The following GRM7 variants were observed in gnomAD, a reference collection of about 807,000 sequenced individuals.
GRM7 encodes the protein metabotropic glutamate receptor 7.
In GRM7, 35 loss-of-function variants were observed where a neutral mutation model predicts 84.5. That is an observed-to-expected ratio of 0.41 (90% CI 0.32 to 0.55). GRM7 has a LOEUF of 0.55. Ranked by LOEUF, GRM7 falls within the 20% of genes least tolerant of loss-of-function variation. The pLI is 0.19. For missense variants in GRM7, 1,003 were observed against 1,194.6 expected (o/e 0.84, Z 2.36); for synonymous variants, 487 against 455.1 (o/e 1.07, Z -0.89).
At chr3:7,065,659 C>T (rs1370582621) in intron 1 of GRM7, among the ~76,000 whole-genome samples, 1 of 151,744 alleles carries the variant, frequency 6.6e-6, no homozygotes, top group East Asian at 1.9e-4. Context: ...CTTAGTCTTG[C>T]TTTGGCTATG....
At chr3:6,982,410 C>T (rs2124835119) in intron 1 of GRM7, among the ~76,000 whole-genome samples, 1 of 152,120 alleles carries the variant, frequency 6.6e-6, no homozygotes, top group South Asian at 2.1e-4. Context: ...TTTGATCAGT[C>T]ATAATACATG....
intron 1 of GRM7, among the ~76,000 whole-genome samples, chr3:6,920,456 G>A (rs1014165221): frequency 3.3e-5 from 5 of 151,920 alleles, no homozygotes; most frequent in Non-Finnish European, 7.4e-5. Context: ...TCAGGAGGCC[G>A]AGGCACAAGA....
At chr3:6,961,321 A>G (rs1481440340) in intron 1 of GRM7, among the ~76,000 whole-genome samples, 1 of 152,156 alleles carries the variant, frequency 6.6e-6, no homozygotes, top group Non-Finnish European at 1.5e-5. Flanking sequence ...CACCTTACGC[A>G]GTTTAACTGC....
At chr3:7,010,978 G>A (rs1295404896) in intron 1 of GRM7, among the ~76,000 whole-genome samples, 2 of 152,184 alleles carry the variant, frequency 1.3e-5, no homozygotes, top group Non-Finnish European at 2.9e-5. Flanking sequence ...AAGTGCATGA[G>A]TTGAGAACTA....
chr3:7,065,541 T>G (rs967137895), intron 1 of GRM7, among the ~76,000 whole-genome samples: 2 of 151,958 alleles, frequency 1.3e-5, no homozygotes, highest in Non-Finnish European at 2.9e-5. Context: ...TCTCTTCCAT[T>G]GGTCTATGTG....
chr3:7,098,146 GT>G lies in GRM7; in HGVS notation c.520-48303del, dbSNP rs531856250. ...GTCCCTTATTTCCCTAGTAACAGCT[GT>G]TTCTGTCTTCTGATCATTCAACTTT... On this transcript the variant is annotated intron_variant, in intron 1 of 9. Coordinates refer to ENST00000357716, the MANE Select transcript of GRM7 (RefSeq NM_000844.4). Among the ~76,000 whole-genome samples, 31 of 152,108 alleles carry G rather than the reference GT, an allele frequency of 2.0e-4. No homozygotes were observed. In the East Asian group the frequency reaches 5.8e-3, roughly 28 times the overall value.
intron 1 of GRM7, among the ~76,000 whole-genome samples, chr3:7,034,215 G>A (rs1696294908): frequency 6.6e-6 from 1 of 151,878 alleles, no homozygotes; most frequent in Non-Finnish European, 1.5e-5. Flanking sequence ...CATTGCCTGA[G>A]TCACTTTAAA....
chr3:7,640,937 T>C (rs565281227), intron 8 of GRM7, among the ~76,000 whole-genome samples: 1 of 152,282 alleles, frequency 6.6e-6, no homozygotes, highest in African/African-American at 2.4e-5. Flanking sequence ...ATTTTTTCCA[T>C]TCACAAACCA....
At chr3:7,460,869 G>A (rs528803195) in intron 6 of GRM7, among the ~76,000 whole-genome samples, 1 of 152,080 alleles carries the variant, frequency 6.6e-6, no homozygotes, top group African/African-American at 2.4e-5. Context: ...AGGTATATAC[G>A]CTTAATAAAT....
intron 2 of GRM7, among the ~76,000 whole-genome samples, chr3:7,291,315 C>G (rs762005340): frequency 3.6e-4 from 55 of 152,174 alleles, no homozygotes; most frequent in Admixed American, 8.5e-4. Context: ...TGGGTGCTAA[C>G]AGTATTTATT....
intron 4 of GRM7, among the ~76,000 whole-genome samples, chr3:7,379,728 A>G (rs1167925141): frequency 6.6e-6 from 1 of 152,162 alleles, no homozygotes; most frequent in African/African-American, 2.4e-5. Context: ...AAAACCAACC[A>G]CTTTTGGGAA....
chr3:7,155,837 T>C (rs935279853), intron 2 of GRM7, among the ~76,000 whole-genome samples: 10 of 152,176 alleles, frequency 6.6e-5, no homozygotes, highest in African/African-American at 2.2e-4. Flanking sequence ...ACACACTGCA[T>C]TGACTGACTT....
At chr3:7,634,536 A>G (rs62235230) in intron 8 of GRM7, among the ~76,000 whole-genome samples, 24,644 of 135,956 alleles carry the variant, frequency 0.18, 2,333 homozygotes, top group African/African-American at 0.22. Flanking sequence ...CTGTAACCCC[A>G]GCACTTTGGG....
At chr3:7,485,072 G>T (rs531397928) in intron 7 of GRM7, among the ~76,000 whole-genome samples, 1 of 152,136 alleles carries the variant, frequency 6.6e-6, no homozygotes, top group Non-Finnish European at 1.5e-5. Context: ...TGGTGAGCTT[G>T]CAAGTCAATC....
At chr3:7,478,875 A>G (rs550208483) in intron 7 of GRM7, among the ~76,000 whole-genome samples, 1 of 152,298 alleles carries the variant, frequency 6.6e-6, no homozygotes, top group African/African-American at 2.4e-5. Context: ...TACTGACTCC[A>G]TAAAACCTTC....
chr3:6,991,774 TGTG>T (rs1292771207), intron 1 of GRM7, among the ~76,000 whole-genome samples: 2 of 152,192 alleles, frequency 1.3e-5, no homozygotes, highest in Non-Finnish European at 2.9e-5. Flanking sequence ...TGCATGCACA[TGTG>T]TGTGTGGTGA....
chr3:7,706,246 A>G (rs575343355), intron 9 of GRM7, among the ~76,000 whole-genome samples: 1 of 152,326 alleles, frequency 6.6e-6, no homozygotes, highest in African/African-American at 2.4e-5. Flanking sequence ...TCACTTATCC[A>G]TACTATGGAG....
At chr3:7,226,639 C>T (rs1696991167) in intron 2 of GRM7, among the ~76,000 whole-genome samples, 1 of 152,174 alleles carries the variant, frequency 6.6e-6, no homozygotes, top group Non-Finnish European at 1.5e-5. Flanking sequence ...GTGGGACTTA[C>T]AGGGCCACCT....
intron 4 of GRM7, among the ~76,000 whole-genome samples, chr3:7,370,021 T>C (rs1694066389): frequency 6.6e-6 from 1 of 152,088 alleles, no homozygotes; most frequent in South Asian, 2.1e-4. Context: ...GCAAGGCAAG[T>C]GTTGATTCCA....
Sources: gnomAD v4.1 joint callset for allele counts (sites outside exome capture counted in the v4.1 genomes callset) on GRCh38, gnomAD v4.1.1 for gene constraint, MANE v1.5 for transcripts, NCBI Gene and HGNC (gene_info 2026-07-23, HGNC 2026-07-21) for gene names.